The following EXOSC10 variants were observed in gnomAD, a reference collection of about 807,000 sequenced individuals.
EXOSC10 encodes the protein exosome component 10, also known as exosome complex component 10.
Under a neutral mutation model 126.6 loss-of-function variants are expected in EXOSC10, and 94 were observed. The observed-to-expected ratio is 0.74, with a 90% CI of 0.63 to 0.88. EXOSC10 has a LOEUF of 0.88. EXOSC10 is among the 40% of genes least tolerant of loss of function. The pLI is 0.00. For missense variants in EXOSC10, 1,041 were observed against 1,100.5 expected (o/e 0.95, Z 0.77); for synonymous variants, 395 against 400.8 (o/e 0.99, Z 0.17).
chr1:11,083,562 C>CAAAAAAAAAAAAAAAAAAAAA (rs35412224), intron 9 of EXOSC10, among the ~76,000 whole-genome samples: 44 of 65,858 alleles, frequency 6.7e-4, no homozygotes, highest in African/African-American at 1.3e-3. Flanking sequence ...AACTCCGTCT[C>CAAAAAAAAAAAAAAAAAAAAA]AAAAAAAAAA....
At chr1:11,079,268 G>A (rs1640001517) in intron 14 of EXOSC10, among the ~76,000 whole-genome samples, 1 of 150,866 alleles carries the variant, frequency 6.6e-6, no homozygotes, top group South Asian at 2.1e-4. Context: ...GGCGGAGGTT[G>A]CAGTGAGCCG....
chr1:11,089,732 G>C (rs921816618), intron 6 of EXOSC10, among the ~76,000 whole-genome samples: 4 of 152,120 alleles, frequency 2.6e-5, no homozygotes, highest in African/African-American at 7.2e-5. Context: ...TGGGAGGGCA[G>C]GTTGGGAGGA....
At chr1:11,073,035 C>T (rs950974680) in intron 19 of EXOSC10, 11 of 152,218 alleles carry the variant, frequency 7.2e-5, no homozygotes, top group African/African-American at 2.7e-4. Flanking sequence ...AAAAATGCAT[C>T]AAGCTGTATA....
At chr1:11,074,666 G>A (rs1639714129) in intron 17 of EXOSC10, among the ~76,000 whole-genome samples, 1 of 152,076 alleles carries the variant, frequency 6.6e-6, no homozygotes, top group African/African-American at 2.4e-5. Flanking sequence ...ACCCGCCTTG[G>A]CTTCCCAAAG....
chr1:11,087,923 A>C lies in EXOSC10; in HGVS notation c.835-13T>G. The C allele has an allele frequency of 6.6e-7, 1 of 1,505,558 alleles. No individual in the cohort carries two copies. Among genetic ancestry groups the C allele is most frequent in the Non-Finnish European group, 9.2e-7 (1 of 1,087,780 alleles). The allele number at this position is 1,505,558 out of a possible 1,614,324, so 93.3% of individuals were successfully genotyped here. On this transcript the variant is annotated splice_polypyrimidine_tract_variant and intron_variant, in intron 7 of 24. Transcript: ENST00000376936. ...TAGGTCTGTATAACTGGATCAAGAG[A>C]ATAGTAAGAAAAAGGGAGGAATATA...
At chr1:11,080,598 A>C in intron 12 of EXOSC10, 49 bp from the exon 13 acceptor site, 1 of 1,440,494 alleles carries the variant, frequency 6.9e-7, no homozygotes. Context: ...ACACACACAC[A>C]CACACACGGT....
chr1:11,069,821 G>A (rs1297307414), intron 21 of EXOSC10, 91 bp from the exon 22 acceptor site: 28 of 1,361,258 alleles, frequency 2.1e-5, no homozygotes, highest in Non-Finnish European at 2.7e-5. Context: ...GGACCCAGCT[G>A]CCTAAGTGGT....
rs1354996080 is a variant in EXOSC10, at chr1:11,079,710, CCTT to C, written c.1747_1749del (p.Lys583del). ...TGCCCAGCCGCAGAAAAGCTTCTTA[CCTT>C]GAGCAGGGGCATCTCTCGGGCCTGC... On this transcript the variant is annotated inframe_deletion and splice_region_variant, in exon 14 of 25. Transcript: ENST00000376936. 6.2e-7 allele frequency: 1 copy of C among 1,612,214 alleles called. No homozygotes were observed. The highest frequency in any genetic ancestry group is 8.5e-7 in the Non-Finnish European group (1 of 1,179,096).
intron 22 of EXOSC10, chr1:11,068,976 A>C: frequency 1.9e-6 from 1 of 515,290 alleles, no homozygotes; most frequent in South Asian, 2.3e-5. Context: ...CCCCGCACAT[A>C]AGGAAATCCA....
rs1234449484 is a variant in EXOSC10 at position 11,080,905 on chromosome 1, A to G, written c.1445T>C (p.Ile482Thr). ...RSRDICLKKF[I>T]KPIFTDESYL... ...GGACTCATCCGTGAAGATAGGTTTG[A>G]TGAATTTCTACAAAGTATTAGAGAA... The change falls in exon 12 of 25, where the codon ATC becomes ACC. Residue 482 changes from isoleucine to threonine, a missense_variant. Ile to Thr is a moderately conservative substitution (Grantham distance 89). Around this residue, in one of 3 missense-constraint regions of EXOSC10, gnomAD observed 645 missense variants for 656.3 expected, o/e 0.98. Coordinates refer to ENST00000376936, the MANE Select transcript of EXOSC10 (RefSeq NM_001001998.3). 1 of 1,605,002 alleles carries G rather than the reference A, an allele frequency of 6.2e-7. No homozygotes were observed. Among genetic ancestry groups the G allele is most frequent in the Non-Finnish European group, 8.5e-7 (1 of 1,176,978 alleles).
intron 9 of EXOSC10, among the ~76,000 whole-genome samples, chr1:11,086,454 G>C (rs551167096): frequency 1.3e-5 from 2 of 152,242 alleles, no homozygotes; most frequent in African/African-American, 4.8e-5. Context: ...ATTTCTGTGG[G>C]ATCAGTGGTG....
intron 3 of EXOSC10, 143 bp downstream of exon 3, chr1:11,095,615 G>T: frequency 3.0e-6 from 2 of 657,900 alleles, no homozygotes; most frequent in Non-Finnish European, 5.0e-6. Context: ...TTGGGAGGCT[G>T]AGGCAGGAGA....
Position 11,091,366 on chromosome 1 carries a change from G to A in EXOSC10, c.477+127C>T, listed in dbSNP as rs530878926. 9.3e-6 allele frequency: 9 copies of A among 971,986 alleles called. No homozygotes were observed. In the East Asian group the frequency reaches 2.3e-4, roughly 25 times the overall value. The allele number at this position is 971,986 out of a possible 1,614,324, so 60.2% of individuals were successfully genotyped here. On this transcript the variant is annotated intron_variant, in intron 4 of 24. Transcript: ENST00000376936. ...GTGTAATTAGTTTGTGTATGTTTATGAGAACAAACTAAAGGAGACAGTGGC... is the reference window on the plus strand; with the variant it reads ...GTGTAATTAGTTTGTGTATGTTTATAAGAACAAACTAAAGGAGACAGTGGC...
chr1:11,069,796 C>T, intron 21 of EXOSC10, 66 bp from the exon 22 acceptor site: 1 of 1,551,708 alleles, frequency 6.4e-7, no homozygotes, highest in Non-Finnish European at 8.8e-7. Context: ...ACTCCACCGG[C>T]CTCAGCAATA....
intron 14 of EXOSC10, among the ~76,000 whole-genome samples, chr1:11,078,273 T>TTTTTTTTTTATTTTTTTC: frequency 6.6e-6 from 1 of 150,994 alleles, no homozygotes; most frequent in African/African-American, 2.5e-5. Flanking sequence ...TCTTTTTTTT[T>TTTTTTTTTTATTTTTTTC]TTGAGACGGA....
intron 19 of EXOSC10, among the ~76,000 whole-genome samples, 185 bp downstream of exon 19, chr1:11,073,749 C>T (rs2100958626): frequency 6.6e-6 from 1 of 151,872 alleles, no homozygotes; most frequent in East Asian, 2.0e-4. Flanking sequence ...GGCATGACAG[C>T]AGGTGCCTGT....
chr1:11,088,258 AT>A (rs919027143), intron 6 of EXOSC10, 60 bp from the exon 7 acceptor site: 17 of 1,276,544 alleles, frequency 1.3e-5, no homozygotes, highest in Non-Finnish European at 1.8e-5. Context: ...CAAGGGAAAA[AT>A]AATGCCTTTT....
chr1:11,074,017 A>G lies in EXOSC10; in HGVS notation c.2083-9T>C. On this transcript the variant is annotated splice_polypyrimidine_tract_variant and intron_variant, in intron 18 of 24. Transcript: ENST00000376936. Reference sequence around the variant, plus strand: ...CCCAGTGAGGGCAGAAACTGGAGGAAGGAAATGGCTGTGTGAAACGCTGCC... The same window carrying G: ...CCCAGTGAGGGCAGAAACTGGAGGAGGGAAATGGCTGTGTGAAACGCTGCC... The G allele has an allele frequency of 6.2e-7, 1 of 1,613,688 alleles. No homozygotes were observed. The highest frequency in any genetic ancestry group is 8.5e-7 in the Non-Finnish European group (1 of 1,179,620).
intron 20 of EXOSC10, chr1:11,071,175 C>A: frequency 1.7e-6 from 1 of 573,528 alleles, no homozygotes; most frequent in Admixed American, 3.2e-5. Flanking sequence ...TTCAGCTACA[C>A]GTGAGCTGAT....
Sources: gnomAD v4.1 joint callset for allele counts (sites outside exome capture counted in the v4.1 genomes callset) on GRCh38, gnomAD v4.1.1 for gene constraint, gnomAD v4.1.1 regional missense constraint, MANE v1.5 for transcripts, NCBI Gene and HGNC (gene_info 2026-07-23, HGNC 2026-07-21) for gene names.